GPC5: variants seen among roughly 807,000 people sequenced by gnomAD.
GPC5 encodes glypican 5, also known as glypican-5.
Under a neutral mutation model 53.9 loss-of-function variants are expected in GPC5, and 47 were observed. That is an observed-to-expected ratio of 0.87 (90% confidence interval 0.69 to 1.11). GPC5 has a LOEUF of 1.11. Ranked by LOEUF, GPC5 falls within the 50% of genes most tolerant of loss-of-function variation. The pLI, the probability that GPC5 is intolerant of heterozygous loss-of-function variation, is 0.00. For synonymous variants in GPC5, 286 were observed against 263.3 expected (o/e 1.09, Z -0.84); for missense variants, 748 against 713.1 (o/e 1.05, Z -0.56).
At chr13:92,719,062 G>T (rs1888423446) in intron 7 of GPC5, among the ~76,000 whole-genome samples, 1 of 151,368 alleles carries the variant, frequency 6.6e-6, no homozygotes, top group African/African-American at 2.4e-5. Context: ...GTACCTACTA[G>T]GTACTCATAA....
chr13:91,687,101 A>C (rs1225294114), intron 2 of GPC5, among the ~76,000 whole-genome samples: 1 of 151,980 alleles, frequency 6.6e-6, no homozygotes, highest in Non-Finnish European at 1.5e-5. Flanking sequence ...GGGTCATAAA[A>C]TATAAGTACA....
chr13:92,826,416 G>A (rs1317849781), intron 7 of GPC5, among the ~76,000 whole-genome samples: 1 of 152,104 alleles, frequency 6.6e-6, no homozygotes, highest in Non-Finnish European at 1.5e-5. Flanking sequence ...CTGAGTCTCA[G>A]ATAAGACCAC....
intron 7 of GPC5, among the ~76,000 whole-genome samples, chr13:92,631,672 G>C (rs1304266290): frequency 3.3e-5 from 5 of 152,114 alleles, no homozygotes; most frequent in South Asian, 2.1e-4. Context: ...AAATATGGTT[G>C]AGTTTCTGTA....
At chr13:91,662,299 G>A (rs1300928407) in intron 2 of GPC5, among the ~76,000 whole-genome samples, 1 of 152,100 alleles carries the variant, frequency 6.6e-6, no homozygotes, top group Non-Finnish European at 1.5e-5. Context: ...ATGAGAGACC[G>A]CCAAATGTTG....
rs114434328 is a variant in GPC5, at chr13:91,608,186, C to A, written c.326-85001C>A. On this transcript the variant is annotated intron_variant, in intron 2 of 7. Transcript: ENST00000377067. ...GTAAGGTGTGACAATTTCCAGGGAA[C>A]GCATTGATTATTCAGCAATTATTTA... is the stretch of plus-strand genomic sequence containing the variant. Among the ~76,000 whole-genome samples the A allele has an allele frequency of 4.7e-3, 708 of 152,216 alleles. 1 individual carries two copies. The highest frequency in any genetic ancestry group is 0.016 in the African/African-American group (651 of 41,528).
chr13:92,321,913 T>C (rs927632002), intron 7 of GPC5, among the ~76,000 whole-genome samples: 3 of 152,090 alleles, frequency 2.0e-5, no homozygotes, highest in African/African-American at 4.8e-5. Context: ...CAGAAATAAA[T>C]ATAATAATAG....
intron 7 of GPC5, among the ~76,000 whole-genome samples, chr13:92,727,126 A>C (rs1888670057): frequency 6.6e-6 from 1 of 151,488 alleles, no homozygotes; most frequent in South Asian, 2.1e-4. Flanking sequence ...AATAGCCATC[A>C]TTAGGAGTTT....
At chr13:92,548,464 TAAC>T (rs1219938763) in intron 7 of GPC5, among the ~76,000 whole-genome samples, 2 of 151,618 alleles carry the variant, frequency 1.3e-5, no homozygotes, top group African/African-American at 2.4e-5. Flanking sequence ...CCTAAACAAA[TAAC>T]AATAATGTTT....
intron 2 of GPC5, among the ~76,000 whole-genome samples, chr13:91,583,031 T>G (rs144233934): frequency 6.6e-6 from 1 of 152,070 alleles, no homozygotes; most frequent in Non-Finnish European, 1.5e-5. Flanking sequence ...ATAAATCTAT[T>G]TATAGTAAAA....
intron 6 of GPC5, among the ~76,000 whole-genome samples, chr13:92,037,976 A>G (rs2040907184): frequency 6.6e-6 from 1 of 152,180 alleles, no homozygotes; most frequent in Non-Finnish European, 1.5e-5. Flanking sequence ...AGAATAGCCT[A>G]ATGGTGACCG....
chr13:91,924,912 C>A (rs1422237330), intron 6 of GPC5, among the ~76,000 whole-genome samples: 1 of 151,804 alleles, frequency 6.6e-6, no homozygotes, highest in African/African-American at 2.4e-5. Context: ...CTCCGCCTCC[C>A]GGGTTCACCC....
chr13:92,235,017 G>A lies in GPC5; in HGVS notation c.1561+90028G>A, dbSNP rs151300957. ...GGCAGGGGTATATGAAAAAGTTTTAGGTCCCTAAGAAAATCTTAAAATGTG... is the reference window on the plus strand; with the variant it reads ...GGCAGGGGTATATGAAAAAGTTTTAAGTCCCTAAGAAAATCTTAAAATGTG... On this transcript the variant is annotated intron_variant, in intron 7 of 7. Coordinates refer to ENST00000377067, the MANE Select transcript of GPC5 (RefSeq NM_004466.6). Among the ~76,000 whole-genome samples the A allele has an allele frequency of 2.0e-3, 299 of 152,188 alleles. 1 individual carries two copies. The highest frequency in any genetic ancestry group is 6.9e-3 in the African/African-American group (288 of 41,540).
chr13:91,610,168 C>T (rs1008664790), intron 2 of GPC5, among the ~76,000 whole-genome samples: 2 of 152,278 alleles, frequency 1.3e-5, no homozygotes, highest in Non-Finnish European at 2.9e-5. Context: ...TATGTCAGAA[C>T]AGTAGAAAGA....
intron 7 of GPC5, among the ~76,000 whole-genome samples, chr13:92,596,326 T>G (rs1313758091): frequency 6.6e-6 from 1 of 151,984 alleles, no homozygotes; most frequent in Non-Finnish European, 1.5e-5. Flanking sequence ...AAACAAAAAA[T>G]AAAACACCGT....
At chr13:92,029,519 C>A (rs1461534085) in intron 6 of GPC5, among the ~76,000 whole-genome samples, 1 of 152,206 alleles carries the variant, frequency 6.6e-6, no homozygotes, top group Non-Finnish European at 1.5e-5. Flanking sequence ...GGTTCAACAG[C>A]ATCTGAACCA....
intron 6 of GPC5, among the ~76,000 whole-genome samples, chr13:92,056,202 C>T (rs1035693608): frequency 1.3e-5 from 2 of 152,108 alleles, no homozygotes; most frequent in African/African-American, 4.8e-5. Context: ...CTGCCTTATT[C>T]AGCTGCTAGC....
chr13:91,631,441 T>C (rs1051677383), intron 2 of GPC5, among the ~76,000 whole-genome samples: 1 of 152,064 alleles, frequency 6.6e-6, no homozygotes, highest in Non-Finnish European at 1.5e-5. Flanking sequence ...CTGAACTACA[T>C]AGGGAGGCAG....
At chr13:92,277,637 TG>T (rs1028836617) in intron 7 of GPC5, among the ~76,000 whole-genome samples, 9 of 152,048 alleles carry the variant, frequency 5.9e-5, no homozygotes, top group African/African-American at 2.2e-4. Context: ...TTTTTTACTT[TG>T]TTTTTTATCG....
intron 1 of GPC5, among the ~76,000 whole-genome samples, chr13:91,423,975 A>C (rs966700225): frequency 6.6e-6 from 1 of 152,254 alleles, no homozygotes; most frequent in African/African-American, 2.4e-5. Context: ...ATATTCATTC[A>C]CAATGCATAC....
Sources: gnomAD v4.1 joint callset for allele counts (sites outside exome capture counted in the v4.1 genomes callset) on GRCh38, gnomAD v4.1.1 for gene constraint, MANE v1.5 for transcripts, NCBI Gene and HGNC (gene_info 2026-07-23, HGNC 2026-07-21) for gene names.